The following KIFC3 variants were observed in gnomAD, a reference collection of about 807,000 sequenced individuals.
The protein encoded by KIFC3 is kinesin-like protein KIFC3.
In KIFC3, 60 loss-of-function variants were observed where a neutral mutation model predicts 101.8. The ratio of observed to expected loss-of-function variants is 0.59; its 90% CI spans 0.48 to 0.73. The LOEUF is 0.73. KIFC3 is among the 30% of genes least tolerant of loss of function. The probability of loss-of-function intolerance (pLI) is 0.00; values close to 1 mark genes in which losing one functional copy is unlikely to be tolerated. For synonymous variants in KIFC3, 476 were observed against 482.7 expected, an observed-to-expected ratio of 0.99 and a Z score of 0.18; for missense variants, 966 against 1,137.1, an observed-to-expected ratio of 0.85 and a Z score of 2.16.
Position 57,770,716 on chromosome 16 carries a change from G to C in KIFC3, c.766-16C>G. ...TGATGACATACTGCAGGGTGAGGGA[G>C]GAATGGCACGTGGAGCCAGCGGGCA... On this transcript the variant is annotated splice_polypyrimidine_tract_variant and intron_variant, in intron 6 of 19. Coordinates refer to ENST00000445690, the MANE Select transcript of KIFC3 (RefSeq NM_001130100.2). The C allele has an allele frequency of 7.0e-7, 1 of 1,435,238 alleles. No individual in the cohort carries two copies. The highest frequency in any genetic ancestry group is 1.6e-5 in the South Asian group (1 of 64,254). 88.9% of individuals were successfully genotyped at this position (1,435,238 alleles called of 1,614,324 possible).
At chr16:57,841,682 C>T (rs763458442) in intron 1 of KIFC3, among the ~76,000 whole-genome samples, 1 of 151,458 alleles carries the variant, frequency 6.6e-6, no homozygotes, top group African/African-American at 2.4e-5. Context: ...AAAACAACAA[C>T]AACAAAACCC....
intron 1 of KIFC3, among the ~76,000 whole-genome samples, chr16:57,810,229 A>T (rs1269201987): frequency 6.6e-6 from 1 of 152,166 alleles, no homozygotes; most frequent in African/African-American, 2.4e-5. Flanking sequence ...AGATGGGGAC[A>T]GGGGCCATAA....
chr16:57,809,148 A>C, intron 1 of KIFC3, among the ~76,000 whole-genome samples: 1 of 152,176 alleles, frequency 6.6e-6, no homozygotes, highest in Non-Finnish European at 1.5e-5. Context: ...TTATTATAAT[A>C]AGCATTTTCC....
At chr16:57,780,347 C>T (rs557576858) in intron 3 of KIFC3, among the ~76,000 whole-genome samples, 7 of 152,112 alleles carry the variant, frequency 4.6e-5, no homozygotes, top group Admixed American at 2.0e-4. Flanking sequence ...CCCATCTCTA[C>T]TAAAAATACA....
chr16:57,832,321 CTTTTTTTTTTTTTTTT>C (rs1165977084), intron 1 of KIFC3, among the ~76,000 whole-genome samples: 38 of 73,508 alleles, frequency 5.2e-4, no homozygotes, highest in Admixed American at 2.3e-3. Flanking sequence ...GCGCCAGGCC[CTTTTTTTTTTTTTTTT>C]TTTTTTTTTT....
intron 3 of KIFC3, chr16:57,782,238 A>G (rs1008864670): frequency 1.2e-5 from 9 of 757,608 alleles, no homozygotes; most frequent in African/African-American, 1.9e-5. Context: ...TGTGAGCCCC[A>G]GTTTAGAGAC....
At chr16:57,816,913 A>C (rs1361563591) in intron 1 of KIFC3, 3 of 363,110 alleles carry the variant, frequency 8.3e-6, no homozygotes, top group Non-Finnish European at 1.6e-5. Flanking sequence ...TAATACTAAG[A>C]ATGATAACAA....
intron 1 of KIFC3, among the ~76,000 whole-genome samples, chr16:57,852,331 G>T (rs527282708): frequency 2.8e-4 from 42 of 152,142 alleles, no homozygotes; most frequent in Admixed American, 5.2e-4. Flanking sequence ...TTTCTCCAGA[G>T]CTGATTTGTT....
At chr16:57,808,840 C>G (rs2149254896) in intron 1 of KIFC3, among the ~76,000 whole-genome samples, 1 of 152,338 alleles carries the variant, frequency 6.6e-6, no homozygotes, top group Non-Finnish European at 1.5e-5. Context: ...GGGCTAGTGT[C>G]TAACCCATTG....
At chr16:57,792,548 T>C (rs2053961646) in intron 3 of KIFC3, among the ~76,000 whole-genome samples, 1 of 152,130 alleles carries the variant, frequency 6.6e-6, no homozygotes, top group Non-Finnish European at 1.5e-5. Context: ...AGAGGATCTG[T>C]TATAAATAAT....
At chr16:57,779,238 A>G (rs1598029273) in intron 3 of KIFC3, 1 of 152,226 alleles carries the variant, frequency 6.6e-6, no homozygotes, top group Non-Finnish European at 1.5e-5. Context: ...ATACAATGCA[A>G]TATTACTCAG....
intron 3 of KIFC3, among the ~76,000 whole-genome samples, chr16:57,773,147 T>C (rs1268042480): frequency 6.6e-6 from 1 of 152,182 alleles, no homozygotes; most frequent in East Asian, 1.9e-4. Flanking sequence ...CGTCAGGGCA[T>C]GTTTAGTACT....
At chr16:57,840,230 C>G (rs1282856676) in intron 1 of KIFC3, among the ~76,000 whole-genome samples, 1 of 152,050 alleles carries the variant, frequency 6.6e-6, no homozygotes, top group East Asian at 1.9e-4. Context: ...TCCAGCTGCT[C>G]AGGAGGCTGA....
At chr16:57,835,411 T>C (rs1016421966) in intron 1 of KIFC3, among the ~76,000 whole-genome samples, 1 of 152,222 alleles carries the variant, frequency 6.6e-6, no homozygotes, top group Non-Finnish European at 1.5e-5. Context: ...TAAAGCACTA[T>C]GATAATTTGA....
rs1332119526 is a variant in KIFC3, at chr16:57,802,430, C to G, written c.-100G>C. 9 of 982,932 alleles carry G rather than the reference C, an allele frequency of 9.2e-6. No homozygotes were observed. Among genetic ancestry groups the G allele is most frequent in the Non-Finnish European group, 1.1e-5 (9 of 828,980 alleles). The allele number at this position is 982,932 out of a possible 1,614,324, so 60.9% of individuals were successfully genotyped here. On this transcript the variant is annotated 5_prime_UTR_variant, in exon 1 of 20. Coordinates refer to ENST00000445690, the MANE Select transcript of KIFC3 (RefSeq NM_001130100.2). This position sits in a 1 kb window ranked among gnomAD's most constrained non-coding sequence, Gnocchi z 5.0. ...GCGCCCGGGGCTCGGCCCGGCCCGG[C>G]CCGCCGGCAGGAGGCAGCTCCACGC...
intron 3 of KIFC3, among the ~76,000 whole-genome samples, chr16:57,778,826 G>A (rs1208895999): frequency 7.2e-5 from 11 of 152,166 alleles, no homozygotes; most frequent in Non-Finnish European, 1.5e-4. Flanking sequence ...CTGAGGCCAG[G>A]AGTTCAGAGG....
intron 2 of KIFC3, among the ~76,000 whole-genome samples, chr16:57,796,284 C>T (rs374364281): frequency 2.8e-4 from 42 of 152,314 alleles, no homozygotes; most frequent in East Asian, 1.7e-3. Context: ...ATGAAATACA[C>T]GTGGTGCCCA....
At chr16:57,833,955 C>T (rs77628568) in intron 1 of KIFC3, among the ~76,000 whole-genome samples, 17,166 of 149,504 alleles carry the variant, frequency 0.11, 1,296 homozygotes, top group East Asian at 0.21. Flanking sequence ...TTCTGCCTCC[C>T]GGGTTCAAGC....
At chr16:57,859,612 A>G (rs2056251788) in intron 1 of KIFC3, among the ~76,000 whole-genome samples, 1 of 152,078 alleles carries the variant, frequency 6.6e-6, no homozygotes, top group Admixed American at 6.6e-5. Flanking sequence ...AATTTCCCAC[A>G]AGCAACACTC....
Sources: gnomAD v4.1 joint callset for allele counts (sites outside exome capture counted in the v4.1 genomes callset) on GRCh38, gnomAD v4.1.1 for gene constraint, Gnocchi (gnomAD v3.1) non-coding constraint, MANE v1.5 for transcripts, NCBI Gene and HGNC (gene_info 2026-07-23, HGNC 2026-07-21) for gene names.